The following DENND5B variants were observed in gnomAD, a reference collection of about 807,000 sequenced individuals.
The protein encoded by DENND5B is DENN domain-containing protein 5B.
DENND5B carries 34 observed loss-of-function variants against 140.6 expected under a neutral mutation model. The observed-to-expected ratio is 0.24, with a 90% CI of 0.18 to 0.32. The LOEUF is 0.32. Among genes scored for constraint, DENND5B ranks in the 10% least tolerant of loss-of-function variants. DENND5B has a pLI of 1.00. For missense variants in DENND5B, 1,142 were observed against 1,560.2 expected, an observed-to-expected ratio of 0.73 and a Z score of 4.52; for synonymous variants, 551 against 562.1, an observed-to-expected ratio of 0.98 and a Z score of 0.28.
chr12:31,560,823 A>G (rs945537438), intron 1 of DENND5B, among the ~76,000 whole-genome samples: 2 of 152,188 alleles, frequency 1.3e-5, no homozygotes, highest in African/African-American at 2.4e-5. Flanking sequence ...CTTTTCCCAA[A>G]TATCTACTTG....
chr12:31,460,870 C>T (rs1238434831), intron 3 of DENND5B, among the ~76,000 whole-genome samples: 8 of 152,012 alleles, frequency 5.3e-5, no homozygotes, highest in African/African-American at 9.7e-5. Context: ...AGATTACAGG[C>T]GCCCACCACC....
intron 2 of DENND5B, among the ~76,000 whole-genome samples, chr12:31,486,654 A>G (rs1023068419): frequency 2.0e-5 from 3 of 152,238 alleles, no homozygotes; most frequent in African/African-American, 7.2e-5. Context: ...CATGAAAAAA[A>G]TTGCCAAGCC....
intron 18 of DENND5B, 63 bp downstream of exon 18, chr12:31,392,551 T>G: frequency 3.9e-6 from 6 of 1,527,380 alleles, no homozygotes; most frequent in Non-Finnish European, 3.5e-6. Context: ...TATTGCCTCG[T>G]GTATCACATA....
At chr12:31,425,577 AAAG>A (rs1290223806) in intron 9 of DENND5B, among the ~76,000 whole-genome samples, 2 of 152,246 alleles carry the variant, frequency 1.3e-5, no homozygotes, top group African/African-American at 4.8e-5. Flanking sequence ...CAAAAAATGG[AAAG>A]AAAATGGAAA....
chr12:31,443,035 A>C lies in DENND5B; in HGVS notation c.1862-110T>G, dbSNP rs939153648. 5.1e-4 allele frequency: 499 copies of C among 975,116 alleles called. 1 individual carries two copies. Among genetic ancestry groups the C allele is most frequent in the Admixed American group, 1.7e-3 (54 of 31,604 alleles). The allele number at this position is 975,116 out of a possible 1,614,324, so 60.4% of individuals were successfully genotyped here. A position where few individuals can be genotyped will look rare whatever the true frequency, so the allele number is the denominator to read the frequency against. On this transcript the variant is annotated intron_variant, in intron 6 of 20. Transcript: ENST00000389082. Reference sequence around the variant, plus strand: ...AGAACCCAATCACTCTGACACTCTGAAACAGATATTGTGTGTGTGTGTGTG... The same window carrying C: ...AGAACCCAATCACTCTGACACTCTGCAACAGATATTGTGTGTGTGTGTGTG...
chr12:31,417,356 CAAAA>C (rs767142927), intron 11 of DENND5B, among the ~76,000 whole-genome samples: 159 of 40,104 alleles, frequency 4.0e-3, no homozygotes, highest in African/African-American at 0.013. Context: ...GACTCTGTCT[CAAAA>C]AAAAAAAAAA....
At chr12:31,538,079 T>G (rs1948563129) in intron 1 of DENND5B, among the ~76,000 whole-genome samples, 1 of 152,200 alleles carries the variant, frequency 6.6e-6, no homozygotes, top group African/African-American at 2.4e-5. Flanking sequence ...CATCCCATTT[T>G]CAGCGTTGGA....
intron 17 of DENND5B, chr12:31,396,370 T>C (rs1387213987): frequency 2.0e-5 from 3 of 151,660 alleles, no homozygotes; most frequent in African/African-American, 7.3e-5. Flanking sequence ...GTTTTTTTTT[T>C]TTTTTTTAAA....
At chr12:31,525,946 T>C (rs889802132) in intron 1 of DENND5B, among the ~76,000 whole-genome samples, 8 of 152,160 alleles carry the variant, frequency 5.3e-5, no homozygotes, top group Non-Finnish European at 7.4e-5. Context: ...TGAGCTGAGA[T>C]TGCACCATTG....
chr12:31,408,213 C>T (rs374992416), intron 14 of DENND5B, among the ~76,000 whole-genome samples: 2 of 151,944 alleles, frequency 1.3e-5, no homozygotes, highest in African/African-American at 2.4e-5. Context: ...GCAGGAGAAT[C>T]GCTTGATCCC....
chr12:31,413,378 C>T (rs1942566825), intron 13 of DENND5B, 58 bp downstream of exon 13: 13 of 1,569,680 alleles, frequency 8.3e-6, no homozygotes, highest in Non-Finnish European at 1.1e-5. Flanking sequence ...GTTTATGCAA[C>T]TTGTTTTGTA....
intron 16 of DENND5B, among the ~76,000 whole-genome samples, chr12:31,398,721 T>C (rs1039491665): frequency 5.3e-5 from 8 of 152,226 alleles, no homozygotes; most frequent in Admixed American, 4.6e-4. Context: ...TTCCTCCCAC[T>C]GAAATTATTT....
At chr12:31,578,116 G>T (rs1259386) in intron 1 of DENND5B, among the ~76,000 whole-genome samples, 44,999 of 137,624 alleles carry the variant, frequency 0.33, 8,200 homozygotes, top group Non-Finnish European at 0.43. Flanking sequence ...GACAAAGTGG[G>T]ACGCTGTCTC....
chr12:31,387,800 C>G lies in DENND5B; in HGVS notation c.3642-14G>C. 1 of 1,608,666 alleles carries G rather than the reference C, an allele frequency of 6.2e-7. No homozygotes were observed. Among genetic ancestry groups the G allele is most frequent in the Non-Finnish European group, 8.5e-7 (1 of 1,176,846 alleles). ...AGCAGGCGATCCCTACAGACCCAAA[C>G]AGAAACAATTCCTGAGCATTGCTGG... On this transcript the variant is annotated splice_polypyrimidine_tract_variant and intron_variant, in intron 20 of 20. Coordinates refer to ENST00000389082, the MANE Select transcript of DENND5B (RefSeq NM_144973.4).
intron 3 of DENND5B, among the ~76,000 whole-genome samples, chr12:31,475,566 A>T (rs892094324): frequency 1.3e-5 from 2 of 152,056 alleles, no homozygotes; most frequent in Non-Finnish European, 2.9e-5. Flanking sequence ...TGGGCAGTGT[A>T]GTGAGACTTC....
intron 1 of DENND5B, among the ~76,000 whole-genome samples, chr12:31,543,336 CA>C (rs1592015226): frequency 6.6e-6 from 1 of 152,174 alleles, no homozygotes; most frequent in East Asian, 1.9e-4. Flanking sequence ...CCTTACACTC[CA>C]AGTCATTAGC....
chr12:31,576,691 T>C (rs773862387), intron 1 of DENND5B, among the ~76,000 whole-genome samples: 10 of 151,766 alleles, frequency 6.6e-5, no homozygotes, highest in Non-Finnish European at 7.4e-5. Context: ...GAGACCAGCT[T>C]GAGCAATAAA....
At chr12:31,498,985 A>G (rs1946894624) in intron 1 of DENND5B, among the ~76,000 whole-genome samples, 1 of 146,564 alleles carries the variant, frequency 6.8e-6, no homozygotes, top group African/African-American at 2.7e-5. Flanking sequence ...AAAAAAAAAA[A>G]AAAAAGAGAA....
intron 7 of DENND5B, among the ~76,000 whole-genome samples, chr12:31,439,046 C>T (rs708207): frequency 0.92 from 140,390 of 152,302 alleles, 65,301 homozygotes; most frequent in East Asian, 0.99. Flanking sequence ...CTTAAGCAAA[C>T]TGCTATGAAG....
Sources: gnomAD v4.1 joint callset for allele counts (sites outside exome capture counted in the v4.1 genomes callset) on GRCh38, gnomAD v4.1.1 for gene constraint, MANE v1.5 for transcripts, NCBI Gene and HGNC (gene_info 2026-07-23, HGNC 2026-07-21) for gene names.